Variants in GDA observed in about 807,000 individuals in gnomAD.
GDA encodes the protein cytoplasmic PSD-95 interactor.
GDA carries 18 observed loss-of-function variants against 59.6 expected under a neutral mutation model. That is an observed-to-expected ratio of 0.30 (90% CI 0.21 to 0.45). GDA has a LOEUF of 0.45. GDA is among the 20% of genes least tolerant of loss of function. GDA has a pLI of 1.00. For synonymous variants in GDA, 201 were observed against 201.1 expected (o/e 1.00, Z 0.00); for missense variants, 427 against 552.3 (o/e 0.77, Z 2.27).
chr9:72,249,655 G>A lies in GDA; in HGVS notation c.*1313G>A. On this transcript the variant is annotated 3_prime_UTR_variant, in exon 14 of 14. Coordinates refer to ENST00000358399, the MANE Select transcript of GDA (RefSeq NM_004293.5). ...TTATGATAAATCTTTAAGTATTGGT[G>A]TGAATGTTATTTAAATTCTATATTT... 1.6e-6 allele frequency: 1 copy of A among 634,584 alleles called. No homozygotes were observed. Among genetic ancestry groups the A allele is most frequent in the Non-Finnish European group, 2.0e-6 (1 of 509,964 alleles). 39.3% of individuals were successfully genotyped at this position (634,584 alleles called of 1,614,324 possible).
intron 1 of GDA, among the ~76,000 whole-genome samples, chr9:72,181,049 T>G (rs1179662069): frequency 1.3e-5 from 2 of 152,334 alleles, no homozygotes; most frequent in East Asian, 3.9e-4. Flanking sequence ...TAGATTTTGA[T>G]TTTTTAAAAA....
chr9:72,178,418 T>TA (rs1830783747), intron 1 of GDA, among the ~76,000 whole-genome samples: 1 of 149,716 alleles, frequency 6.7e-6, no homozygotes, highest in Admixed American at 6.6e-5. Flanking sequence ...TCGATATTTT[T>TA]TTTTTTTTTT....
chr9:72,154,950 C>T (rs1827719414), intron 1 of GDA, among the ~76,000 whole-genome samples: 1 of 152,136 alleles, frequency 6.6e-6, no homozygotes, highest in African/African-American at 2.4e-5. Context: ...CTGCCCTGCC[C>T]TCTTGAAACT....
intron 1 of GDA, among the ~76,000 whole-genome samples, chr9:72,191,473 C>CTT (rs572715868): frequency 6.5e-5 from 9 of 138,068 alleles, no homozygotes; most frequent in Non-Finnish European, 1.1e-4. Context: ...AGGGAAGGCT[C>CTT]TTTTTTTTTT....
intron 1 of GDA, among the ~76,000 whole-genome samples, chr9:72,170,297 G>T (rs1290506879): frequency 1.3e-5 from 2 of 152,090 alleles, no homozygotes; most frequent in Non-Finnish European, 2.9e-5. Flanking sequence ...GGCAAAAATG[G>T]CTCTCCCAGT....
At chr9:72,256,029 C>T (rs116137910), downstream of GDA, among the ~76,000 whole-genome samples, 100 of 152,264 alleles carry the variant, frequency 6.6e-4, 2 homozygotes, top group African/African-American at 2.3e-3. Context: ...TTTAACATGG[C>T]ATAATTTAAT....
At chr9:72,135,931 G>A (rs114266671) in intron 1 of GDA, among the ~76,000 whole-genome samples, 86 of 152,092 alleles carry the variant, frequency 5.7e-4, no homozygotes, top group African/African-American at 2.0e-3. Context: ...TATGACCATA[G>A]TTTGACATTT....
At chr9:72,185,202 C>G (rs1388342889) in intron 1 of GDA, among the ~76,000 whole-genome samples, 1 of 152,164 alleles carries the variant, frequency 6.6e-6, no homozygotes. Flanking sequence ...ACTGTCTCAC[C>G]CTTTAGGGAA....
At chr9:72,161,975 T>C (rs1461953120) in intron 1 of GDA, among the ~76,000 whole-genome samples, 2 of 152,226 alleles carry the variant, frequency 1.3e-5, no homozygotes. Flanking sequence ...GTTGGTGACT[T>C]CCACACACTG....
chr9:72,208,043 A>C (rs1257148682), intron 3 of GDA, among the ~76,000 whole-genome samples: 3 of 152,184 alleles, frequency 2.0e-5, no homozygotes, highest in African/African-American at 7.2e-5. Flanking sequence ...TCAAGGTTAC[A>C]GTGAGCTGTG....
At chr9:72,122,908 C>T (rs1443027688) in intron 1 of GDA, among the ~76,000 whole-genome samples, 1 of 152,148 alleles carries the variant, frequency 6.6e-6, no homozygotes, top group Non-Finnish European at 1.5e-5. Flanking sequence ...TCCACTTTGA[C>T]ATTTTGGGAG....
intron 1 of GDA, among the ~76,000 whole-genome samples, chr9:72,181,225 T>C (rs4607679): frequency 0.99 from 151,065 of 152,314 alleles, 74,927 homozygotes; most frequent in East Asian, 1. Flanking sequence ...AAGGATGTGA[T>C]GAACTGTGGT....
At chr9:72,234,039 G>A (rs2131695835) in intron 10 of GDA, among the ~76,000 whole-genome samples, 1 of 152,288 alleles carries the variant, frequency 6.6e-6, no homozygotes, top group East Asian at 1.9e-4. Flanking sequence ...TCTATCAGCA[G>A]GAGGATGGAT....
intron 1 of GDA, among the ~76,000 whole-genome samples, chr9:72,166,536 T>A (rs1829333226): frequency 6.6e-6 from 1 of 152,060 alleles, no homozygotes; most frequent in Non-Finnish European, 1.5e-5. Context: ...CTTGAAATGT[T>A]CCCAACACAT....
At chr9:72,255,706 A>G (rs1350220454), downstream of GDA, among the ~76,000 whole-genome samples, 2 of 152,210 alleles carry the variant, frequency 1.3e-5, no homozygotes, top group African/African-American at 2.4e-5. Flanking sequence ...GCATAATGCA[A>G]TGGCATGCTA....
At chr9:72,148,213 A>G (rs1188486084), upstream of GDA, among the ~76,000 whole-genome samples, 2 of 152,074 alleles carry the variant, frequency 1.3e-5, no homozygotes, top group African/African-American at 2.4e-5. Context: ...AAAACCATCC[A>G]TTCATTTATT....
At chr9:72,190,642 G>A (rs1421089010) in intron 1 of GDA, among the ~76,000 whole-genome samples, 1 of 151,900 alleles carries the variant, frequency 6.6e-6, no homozygotes, top group Non-Finnish European at 1.5e-5. Context: ...ATTATTCAAG[G>A]GGCAACTGTA....
downstream of GDA, among the ~76,000 whole-genome samples, chr9:72,258,810 C>T (rs115953287): frequency 0.012 from 1,795 of 152,236 alleles, 44 homozygotes; most frequent in African/African-American, 0.041. Context: ...GAGCCTCACC[C>T]ATGGGTGTGG....
intron 1 of GDA, among the ~76,000 whole-genome samples, chr9:72,118,722 T>C (rs1369387403): frequency 6.6e-6 from 1 of 152,088 alleles, no homozygotes; most frequent in Non-Finnish European, 1.5e-5. Context: ...AAACTGGCAA[T>C]TTTTTTTCTT....
Sources: gnomAD v4.1 joint callset for allele counts (sites outside exome capture counted in the v4.1 genomes callset) on GRCh38, gnomAD v4.1.1 for gene constraint, MANE v1.5 for transcripts, NCBI Gene and HGNC (gene_info 2026-07-23, HGNC 2026-07-21) for gene names.